The following NLRP13 variants were observed in gnomAD, a reference collection of about 807,000 sequenced individuals.
NLRP13 encodes the protein NLR family pyrin domain containing 13.
Under a neutral mutation model 94.4 loss-of-function variants are expected in NLRP13, and 82 were observed. The ratio of observed to expected loss-of-function variants is 0.87; its 90% CI spans 0.73 to 1.04. The LOEUF (loss-of-function observed/expected upper bound fraction) is 1.04, where lower values mean the gene tolerates loss of function less well. NLRP13 is among the 50% of genes least tolerant of loss of function. NLRP13 has a pLI of 0.00. For missense variants in NLRP13, 1,426 were observed against 1,230.8 expected (o/e 1.16, Z -2.37); for synonymous variants, 553 against 464.7 (o/e 1.19, Z -2.45).
rs1199331891 is a variant in NLRP13 at position 55,905,031 on chromosome 19, C to A, written c.2529G>T (p.Leu843Phe). 2 of 1,613,820 alleles carry A rather than the reference C, an allele frequency of 1.2e-6. No individual in the cohort carries two copies. ...CTTGGAGCCGATTAAATCCCAGGCA[C>A]AATCGAGTTACGTGTTGGATGCTGG... ...FLTSIQHVTRLCLGFNRLQDD... is the reference protein window; with the variant it reads ...FLTSIQHVTRFCLGFNRLQDD... The change falls in exon 8 of 11, where the codon TTG (leucine) becomes TTT (phenylalanine). Residue 843 changes from leucine (L) to phenylalanine (F), a missense_variant. Physicochemically the swap from Leu to Phe is conservative, Grantham distance 22. Coordinates refer to ENST00000342929, the MANE Select transcript of NLRP13 (RefSeq NM_176810.2).
rs1360083483 is a variant in NLRP13 at position 55,924,952 on chromosome 19, A to C, written c.388+15T>G. On this transcript the variant is annotated intron_variant, in intron 2 of 10. Coordinates refer to ENST00000342929, the MANE Select transcript of NLRP13 (RefSeq NM_176810.2). ...AAGCAACCTGTCCATTATCAACTTA[A>C]AGTAGTGTACACACCTGCTGCTGCT... 1 of 1,610,504 alleles carries C rather than the reference A, an allele frequency of 6.2e-7. No individual in the cohort carries two copies. The highest frequency in any genetic ancestry group is 8.5e-7 in the Non-Finnish European group (1 of 1,176,774).
intron 4 of NLRP13, among the ~76,000 whole-genome samples, chr19:55,921,700 A>G (rs1986831584): frequency 6.6e-6 from 1 of 152,202 alleles, no homozygotes; most frequent in South Asian, 2.1e-4. Context: ...GGGGGCTAAT[A>G]CAATTGCACA....
Position 55,896,007 on chromosome 19 carries a change from C to T in NLRP13, c.3070G>A (p.Gly1024Ser). The T allele has an allele frequency of 6.2e-7, 1 of 1,614,168 alleles. No homozygotes were observed. Among genetic ancestry groups the T allele is most frequent in the East Asian group, 2.2e-5 (1 of 44,874 alleles). Residue 1024 changes from glycine to serine, a missense_variant, in exon 11 of 11, where the codon GGT becomes AGT. Coordinates refer to ENST00000342929, the MANE Select transcript of NLRP13 (RefSeq NM_176810.2). ...NLLGNELDTD[G>S]VKMLCKALKK... The stretch of plus-strand genomic sequence containing the variant: ...AAAGCCTTACATAGCATCTTGACAC[C>T]ATCAGTATCCAATTCATTGCCTAGA...
intron 4 of NLRP13, among the ~76,000 whole-genome samples, chr19:55,917,041 G>T (rs945485369): frequency 6.6e-6 from 1 of 152,118 alleles, no homozygotes; most frequent in East Asian, 1.9e-4. Flanking sequence ...AATCTTACAA[G>T]CTAGAAGGAA....
intron 4 of NLRP13, among the ~76,000 whole-genome samples, chr19:55,919,325 C>G (rs964384298): frequency 6.6e-6 from 1 of 152,078 alleles, no homozygotes; most frequent in Admixed American, 6.5e-5. Flanking sequence ...CAAGGATGCC[C>G]ACTTTCACCA....
rs557335010 is a variant in NLRP13, at chr19:55,912,028, C to T, written c.1789G>A (p.Ala597Thr). ...TGCAAAGTATCTTCCAGTTCTCTTG[C>T]TATGTTTTTATTTAAAAGACCAAAG... The part of the protein sequence containing the change: ...FFFGLLNKNI[A>T]RELEDTLHCK... The change falls in exon 5 of 11, where the codon GCA becomes ACA. Residue 597 changes from alanine to threonine, a missense_variant. Ala to Thr is a moderately conservative substitution (Grantham distance 58, BLOSUM62 0). Coordinates refer to ENST00000342929, the MANE Select transcript of NLRP13 (RefSeq NM_176810.2). 2.5e-6 allele frequency: 4 copies of T among 1,614,108 alleles called. No homozygotes were observed. The African/African-American group carries it at 5.3e-5, about 22-fold the overall frequency.
intron 8 of NLRP13, among the ~76,000 whole-genome samples, chr19:55,903,317 G>A (rs913101076): frequency 6.6e-6 from 1 of 152,106 alleles, no homozygotes; most frequent in Non-Finnish European, 1.5e-5. Flanking sequence ...CAGAGTCTGT[G>A]GTTCTCCGGG....
intron 1 of NLRP13, among the ~76,000 whole-genome samples, chr19:55,927,995 A>T (rs1987011632): frequency 6.6e-6 from 1 of 152,110 alleles, no homozygotes; most frequent in South Asian, 2.1e-4. Context: ...GTACAGAAAT[A>T]CTCATGGTAC....
At position 55,912,164 on chromosome 19, in the gene NLRP13, C is replaced by T. The variant is rs1271815176; in HGVS notation, c.1653G>A (p.Glu551=). 1.2e-6 allele frequency: 2 copies of T among 1,614,142 alleles called. No homozygotes were observed. The highest frequency in any genetic ancestry group is 1.1e-5 in the South Asian group (1 of 91,082). The change falls in exon 5 of 11, where the codon GAG becomes GAA. Residue 551 remains glutamate (E), a synonymous_variant. Transcript: ENST00000342929. ...EFFAAMSFVL[E]EPREFPPHST... is the part of the protein sequence containing the mutation. The stretch of plus-strand genomic sequence containing the variant: ...AATGGGGAGGGAATTCTCTAGGTTC[C>T]TCTAGCACAAAGGACATGGCTGCAA...
At chr19:55,919,405 T>C (rs1179898151) in intron 4 of NLRP13, among the ~76,000 whole-genome samples, 1 of 151,942 alleles carries the variant, frequency 6.6e-6, no homozygotes, top group East Asian at 1.9e-4. Flanking sequence ...TAAAAAGGTA[T>C]CTAAATTGTA....
At chr19:55,905,216 G>A in intron 7 of NLRP13, 104 bp from the exon 8 acceptor site, 6 of 1,195,824 alleles carry the variant, frequency 5.0e-6, no homozygotes, top group Non-Finnish European at 7.0e-6. Context: ...ATTATGGGAA[G>A]ATTAAATTGG....
At chr19:55,925,976 A>G (rs1358836583) in intron 1 of NLRP13, among the ~76,000 whole-genome samples, 1 of 152,050 alleles carries the variant, frequency 6.6e-6, no homozygotes, top group African/African-American at 2.4e-5. Context: ...CTACGTCCAC[A>G]TATTTCAAGC....
intron 7 of NLRP13, 48 bp from the exon 8 acceptor site, chr19:55,905,160 T>G (rs1484044542): frequency 4.4e-6 from 7 of 1,598,120 alleles, no homozygotes; most frequent in Non-Finnish European, 6.0e-6. Context: ...GATGCCCAGG[T>G]TCCTCTACCT....
At chr19:55,908,031 C>T in intron 6 of NLRP13, 75 bp from the exon 7 acceptor site, 2 of 1,375,504 alleles carry the variant, frequency 1.5e-6, no homozygotes, top group Non-Finnish European at 2.0e-6. Context: ...GCCTCCTCAC[C>T]CTGCCTTCTA....
intron 8 of NLRP13, 47 bp from the exon 9 acceptor site, chr19:55,902,252 G>A: frequency 6.3e-7 from 1 of 1,577,602 alleles, no homozygotes; most frequent in Non-Finnish European, 8.7e-7. Flanking sequence ...AAGCAGCCCA[G>A]ACCCAGGCTC....
chr19:55,901,748 T>TC (rs1327112007), intron 9 of NLRP13, among the ~76,000 whole-genome samples: 4 of 152,164 alleles, frequency 2.6e-5, no homozygotes, highest in Admixed American at 6.5e-5. Flanking sequence ...CTGCCTTGTG[T>TC]CCTTTCACCC....
In NLRP13 at chr19:55,898,850, C is replaced by T; in HGVS notation, c.2877G>A (p.Leu959=). 1 of 1,614,020 alleles carries T rather than the reference C, an allele frequency of 6.2e-7. No homozygotes were observed. The highest frequency in any genetic ancestry group is 8.5e-7 in the Non-Finnish European group (1 of 1,179,954). ...SHNHNVKILD[L]GENDLQDDGV... is the part of the protein sequence containing the mutation. Reference sequence around the variant, plus strand: ...CATCATCCTGAAGATCATTTTCTCCCAAATCCAAGATTTTCACATTATGAT... The same window carrying T: ...CATCATCCTGAAGATCATTTTCTCCTAAATCCAAGATTTTCACATTATGAT... The change falls in exon 10 of 11, where the codon TTG becomes TTA. Residue 959 remains leucine (L), a synonymous_variant. Transcript: ENST00000342929.
chr19:55,919,324 C>T, intron 4 of NLRP13, among the ~76,000 whole-genome samples: 1 of 152,008 alleles, frequency 6.6e-6, no homozygotes, highest in East Asian at 1.9e-4. Context: ...ACAAGGATGC[C>T]CACTTTCACC....
chr19:55,930,021 T>A (rs1183972120), intron 1 of NLRP13, among the ~76,000 whole-genome samples: 1 of 151,928 alleles, frequency 6.6e-6, no homozygotes, highest in Non-Finnish European at 1.5e-5. Flanking sequence ...GGAAAAAGGG[T>A]GGAGTGGTGT....
Sources: allele counts gnomAD v4.1 joint callset (sites outside exome capture counted in the v4.1 genomes callset), GRCh38; gene constraint gnomAD v4.1.1; transcripts MANE v1.5; gene names NCBI Gene and HGNC (gene_info 2026-07-23, HGNC 2026-07-21).